SPTBN4: variants seen among roughly 807,000 people sequenced by gnomAD.
SPTBN4 encodes spectrin beta, non-erythrocytic 4.
Under a neutral mutation model 277.8 loss-of-function variants are expected in SPTBN4, and 96 were observed. The ratio of observed to expected loss-of-function variants is 0.35; its 90% confidence interval spans 0.29 to 0.41. SPTBN4 has a LOEUF of 0.41. Ranked by LOEUF, SPTBN4 falls within the 10% of genes least tolerant of loss-of-function variation. The pLI is 1.00. For missense variants in SPTBN4, 3,006 were observed against 3,595.7 expected (o/e 0.84, Z 4.19); for synonymous variants, 1,481 against 1,580.3 (o/e 0.94, Z 1.49).
chr19:40,495,917 A>G (rs2080191905), intron 6 of SPTBN4, among the ~76,000 whole-genome samples: 2 of 152,032 alleles, frequency 1.3e-5, no homozygotes, highest in Non-Finnish European at 2.9e-5. Flanking sequence ...ACACCTGTCC[A>G]CTCACAATCC....
chr19:40,512,052 G>A (rs1299025329), intron 13 of SPTBN4, among the ~76,000 whole-genome samples: 6 of 152,188 alleles, frequency 3.9e-5, no homozygotes, highest in Non-Finnish European at 5.9e-5. Context: ...TAAACCTGGA[G>A]GTGGAGGTTG....
intron 15 of SPTBN4, among the ~76,000 whole-genome samples, chr19:40,516,830 GAC>G (rs1227338883): frequency 6.6e-6 from 1 of 151,930 alleles, no homozygotes; most frequent in Non-Finnish European, 1.5e-5. Flanking sequence ...TACCAAAACA[GAC>G]AAACAAACAA....
chr19:40,559,507 T>C (rs963370801), intron 26 of SPTBN4, among the ~76,000 whole-genome samples: 2 of 152,248 alleles, frequency 1.3e-5, no homozygotes, highest in Admixed American at 1.3e-4. Context: ...GTATATATCC[T>C]GATACAGTGG....
chr19:40,522,516 C>A (rs1165116486), intron 16 of SPTBN4, among the ~76,000 whole-genome samples: 7 of 150,444 alleles, frequency 4.7e-5, no homozygotes, highest in Admixed American at 2.7e-4. Context: ...CTACACCCGG[C>A]TAATATTTGT....
chr19:40,561,764 G>A (rs1276732191), intron 27 of SPTBN4, among the ~76,000 whole-genome samples: 2 of 151,148 alleles, frequency 1.3e-5, no homozygotes, highest in Non-Finnish European at 2.9e-5. Context: ...GGAGGTCACA[G>A]TGAGCCAAGA....
chr19:40,514,932 C>G (rs942087869), intron 14 of SPTBN4, among the ~76,000 whole-genome samples: 6 of 151,748 alleles, frequency 4.0e-5, no homozygotes, highest in Non-Finnish European at 7.4e-5. Flanking sequence ...TGGTGAAATC[C>G]CGTTTCTACT....
chr19:40,509,492 G>C (rs562886892), intron 13 of SPTBN4, among the ~76,000 whole-genome samples: 14 of 152,132 alleles, frequency 9.2e-5, no homozygotes. Context: ...TGATCTGCCC[G>C]CTTTGTCTTC....
At position 40,576,118 on chromosome 19, in the gene SPTBN4, A is replaced by C. The variant is rs949607595; in HGVS notation, c.*549A>C. The C allele has an allele frequency of 6.5e-6, 1 of 152,750 alleles. No individual in the cohort carries two copies. The highest frequency in any genetic ancestry group is 2.4e-5 in the African/African-American group (1 of 41,464). 9.5% of individuals were successfully genotyped at this position (152,750 alleles called of 1,614,324 possible). The stretch of plus-strand genomic sequence containing the variant: ...CTAGCCCCCTGCACTCCGCCGCCTC[A>C]GAGCCATGCGGTTAATTCCTGACTT... On this transcript the variant is annotated 3_prime_UTR_variant, in exon 36 of 36. Transcript: ENST00000598249.
At chr19:40,475,035 G>A (rs566954181) in intron 2 of SPTBN4, among the ~76,000 whole-genome samples, 1 of 152,188 alleles carries the variant, frequency 6.6e-6, no homozygotes, top group African/African-American at 2.4e-5. Flanking sequence ...GTGCCTAGTA[G>A]TCACCCTACT....
At chr19:40,538,585 G>A (rs1273163033) in intron 20 of SPTBN4, among the ~76,000 whole-genome samples, 1 of 152,050 alleles carries the variant, frequency 6.6e-6, no homozygotes, top group Non-Finnish European at 1.5e-5. Flanking sequence ...TACTATTGAT[G>A]TCTTGAATTT....
rs754956206 is a variant in SPTBN4 at position 40,567,781 on chromosome 19, G to A, written c.6455G>A (p.Gly2152Asp). The change falls in exon 31 of 36, where the codon GGC becomes GAC. Residue 2152 changes from glycine (G) to aspartate (D), a missense_variant. This residue lies in a region of SPTBN4 where 630 missense variants were observed against 677.6 expected (regional missense o/e 0.93). Transcript: ENST00000598249. ...AKAAPLLRPG[G>D]YERGLEPLAR... is the part of the protein sequence containing the mutation. ...GCGGCGCCCCTGCTGCGGCCAGGGG[G>A]CTATGAAAGGGGCTTGGAGCCCCTG... The A allele has an allele frequency of 1.3e-6, 2 of 1,522,872 alleles. No homozygotes were observed. The highest frequency in any genetic ancestry group is 2.1e-5 in the Admixed American group (1 of 47,346). The allele number at this position is 1,522,872 out of a possible 1,614,324, so 94.3% of individuals were successfully genotyped here. A position where few individuals can be genotyped will look rare whatever the true frequency, so the allele number is the denominator to read the frequency against.
chr19:40,521,175 G>A (rs1038042412), intron 16 of SPTBN4, among the ~76,000 whole-genome samples: 5 of 152,006 alleles, frequency 3.3e-5, no homozygotes, highest in East Asian at 3.9e-4. Flanking sequence ...CGCCTGCCTC[G>A]GCCTCCCAAA....
chr19:40,504,141 GGGGGGGC>G lies in SPTBN4; in HGVS notation c.1665+14_1665+20del. 3 of 1,280,138 alleles carry G rather than the reference GGGGGGGC, an allele frequency of 2.3e-6. No homozygotes were observed. Among genetic ancestry groups the G allele is most frequent in the African/African-American group, 3.5e-5 (2 of 57,868 alleles). The allele number at this position is 1,280,138 out of a possible 1,614,324, so 79.3% of individuals were successfully genotyped here. A position where few individuals can be genotyped will look rare whatever the true frequency, so the allele number is the denominator to read the frequency against. On this transcript the variant is annotated intron_variant, in intron 12 of 35. Transcript: ENST00000598249. ...GGATGGAGGAGATGCAGGTGCCGGC[GGGGGGGC>G]GGGGATGCGGGTGGAGTGCCAGGAG...
intron 27 of SPTBN4, among the ~76,000 whole-genome samples, chr19:40,561,317 C>T (rs2081040482): frequency 1.3e-5 from 2 of 152,176 alleles, no homozygotes; most frequent in South Asian, 4.2e-4. Flanking sequence ...CTGACCTAGG[C>T]TGGAAATTTA....
intron 14 of SPTBN4, among the ~76,000 whole-genome samples, chr19:40,513,762 C>A (rs1568795769): frequency 6.6e-6 from 1 of 152,136 alleles, no homozygotes; most frequent in African/African-American, 2.4e-5. Flanking sequence ...TGATATTAGT[C>A]CCTACCCAGG....
intron 32 of SPTBN4, among the ~76,000 whole-genome samples, chr19:40,569,935 TCCACACAC>T (rs1568381962): frequency 4.2e-5 from 2 of 48,096 alleles, no homozygotes. Context: ...CTACTGCCCC[TCCACACAC>T]ACACACACAC....
intron 20 of SPTBN4, among the ~76,000 whole-genome samples, chr19:40,536,982 T>C (rs893274830): frequency 2.6e-5 from 4 of 151,614 alleles, no homozygotes; most frequent in East Asian, 3.9e-4. Context: ...AATCTCACTA[T>C]GTTGGCCAGT....
chr19:40,477,824 A>G (rs943843746), intron 2 of SPTBN4, among the ~76,000 whole-genome samples: 19 of 152,108 alleles, frequency 1.2e-4, no homozygotes, highest in African/African-American at 4.3e-4. Context: ...ATGATGGGAG[A>G]GGAGCCAGTG....
chr19:40,490,027 C>A lies in SPTBN4; in HGVS notation c.322-48C>A, dbSNP rs1399053974. On this transcript the variant is annotated intron_variant, in intron 3 of 35. Transcript: ENST00000598249. This position sits in a 1 kb window ranked among gnomAD's most constrained non-coding sequence, Gnocchi z 4.3. ...AAGCTGCGGGGCCGAGGGCGCCATA[C>A]TCCTGTCTGTCCAGACCCCCGATCG... The A allele has an allele frequency of 3.3e-6, 5 of 1,523,964 alleles. No homozygotes were observed. In the African/African-American group the frequency reaches 6.9e-5, roughly 21 times the overall value. The allele number at this position is 1,523,964 out of a possible 1,614,324, so 94.4% of individuals were successfully genotyped here. A position where few individuals can be genotyped will look rare whatever the true frequency, so the allele number is the denominator to read the frequency against.
Sources: gnomAD v4.1 joint callset for allele counts (sites outside exome capture counted in the v4.1 genomes callset) on GRCh38, gnomAD v4.1.1 for gene constraint, gnomAD v4.1.1 regional missense constraint, Gnocchi (gnomAD v3.1) non-coding constraint, MANE v1.5 for transcripts, NCBI Gene and HGNC (gene_info 2026-07-23, HGNC 2026-07-21) for gene names.